The following ST6GALNAC3 variants were observed in gnomAD, a reference collection of about 807,000 sequenced individuals.
ST6GALNAC3 encodes ST6 N-acetylgalactosaminide alpha-2,6-sialyltransferase 3.
In ST6GALNAC3, 25 loss-of-function variants were observed where a neutral mutation model predicts 32.7. The observed-to-expected ratio is 0.76, with a 90% CI of 0.56 to 1.07. The LOEUF is 1.07. ST6GALNAC3 is among the 50% of genes least tolerant of loss of function. The probability of loss-of-function intolerance (pLI) is 0.00; values close to 1 mark genes in which losing one functional copy is unlikely to be tolerated. For missense variants in ST6GALNAC3, 355 were observed against 382.4 expected (o/e 0.93, Z 0.60); for synonymous variants, 129 against 133.1 (o/e 0.97, Z 0.21).
At chr1:76,120,977 G>A (rs1446434320) in intron 1 of ST6GALNAC3, among the ~76,000 whole-genome samples, 1 of 152,116 alleles carries the variant, frequency 6.6e-6, no homozygotes, top group Non-Finnish European at 1.5e-5. Flanking sequence ...CTTGGCAAGT[G>A]GCTTGCATTA....
At chr1:76,500,245 C>A (rs1424932512) in intron 3 of ST6GALNAC3, among the ~76,000 whole-genome samples, 1 of 152,076 alleles carries the variant, frequency 6.6e-6, no homozygotes, top group African/African-American at 2.4e-5. Flanking sequence ...ACATTTTTGA[C>A]ATTAGTCTTT....
rs142777904 is a variant in ST6GALNAC3, at chr1:76,228,193, A to G, written c.19-85612A>G. 1.3e-4 allele frequency among the ~76,000 whole-genome samples: 20 copies of G among 152,326 alleles called. No individual in the cohort carries two copies. In the East Asian group the frequency reaches 3.7e-3, roughly 28 times the overall value. ...TTACACAGAAGTTTGCCTACCACTA[A>G]AAGTGTTCTAGAACATTATAGTTCA... On this transcript the variant is annotated intron_variant, in intron 1 of 4. Transcript: ENST00000328299.
chr1:76,424,811 G>A (rs767115476), intron 3 of ST6GALNAC3, among the ~76,000 whole-genome samples: 3 of 151,882 alleles, frequency 2.0e-5, no homozygotes, highest in African/African-American at 4.8e-5. Flanking sequence ...GCAAATCAGT[G>A]TATACCTGAT....
rs11810412 is a variant in ST6GALNAC3, at chr1:76,595,322, G to A, written c.624-32130G>A. Among the ~76,000 whole-genome samples, 888 of 152,140 alleles carry A rather than the reference G, an allele frequency of 5.8e-3. 6 individuals are homozygous for A. The highest frequency in any genetic ancestry group is 0.02 in the African/African-American group (838 of 41,490). ...AACATAAGTAAACAAGCCTGTTTAC[G>A]CTAAATTCCCCTACACTTCCTTGTA... On this transcript the variant is annotated intron_variant, in intron 3 of 4. Coordinates refer to ENST00000328299, the MANE Select transcript of ST6GALNAC3 (RefSeq NM_152996.4).
chr1:76,504,857 T>C (rs1292073934), intron 3 of ST6GALNAC3, among the ~76,000 whole-genome samples: 1 of 152,190 alleles, frequency 6.6e-6, no homozygotes, highest in Non-Finnish European at 1.5e-5. Context: ...AGCATATTAA[T>C]AGGATCACAT....
At chr1:76,543,517 T>C (rs1005001823) in intron 3 of ST6GALNAC3, among the ~76,000 whole-genome samples, 44 of 152,238 alleles carry the variant, frequency 2.9e-4, no homozygotes, top group African/African-American at 1.0e-3. Flanking sequence ...AGATAAATTA[T>C]TCCAAAATGC....
chr1:76,167,277 CTGTTTATATGA>C (rs1652185346), intron 1 of ST6GALNAC3, among the ~76,000 whole-genome samples: 1 of 152,128 alleles, frequency 6.6e-6, no homozygotes, highest in Non-Finnish European at 1.5e-5. Context: ...GTCTTTAGTT[CTGTTTATATGA>C]TGGCTCACAT....
At chr1:76,581,161 G>T (rs1390803393) in intron 3 of ST6GALNAC3, among the ~76,000 whole-genome samples, 2 of 151,974 alleles carry the variant, frequency 1.3e-5, no homozygotes, top group South Asian at 2.1e-4. Flanking sequence ...TTACCTCACG[G>T]CCTCAAAGGA....
In ST6GALNAC3 at chr1:76,630,741, C is replaced by A; in HGVS notation, c.*1935C>A. On this transcript the variant is annotated 3_prime_UTR_variant, in exon 5 of 5. Transcript: ENST00000328299. Reference sequence around the variant, plus strand: ...CACACCCATAAACATTACTAAGCCCCAGTTCTATCGTTGGAAGGAGTTGTT... The same window carrying A: ...CACACCCATAAACATTACTAAGCCCAAGTTCTATCGTTGGAAGGAGTTGTT... The A allele has an allele frequency of 1.0e-6, 1 of 985,640 alleles. No individual in the cohort carries two copies. Among genetic ancestry groups the A allele is most frequent in the African/African-American group, 1.7e-5 (1 of 57,312 alleles). 61.1% of individuals were successfully genotyped at this position (985,640 alleles called of 1,614,324 possible).
intron 2 of ST6GALNAC3, among the ~76,000 whole-genome samples, chr1:76,356,861 G>A (rs1649496715): frequency 6.6e-6 from 1 of 152,118 alleles, no homozygotes; most frequent in African/African-American, 2.4e-5. Flanking sequence ...TCCCAGGTCA[G>A]CACTTTCAGC....
chr1:76,593,786 C>G (rs1647086280), intron 3 of ST6GALNAC3, among the ~76,000 whole-genome samples: 1 of 152,128 alleles, frequency 6.6e-6, no homozygotes, highest in African/African-American at 2.4e-5. Flanking sequence ...TTTCAAAGCA[C>G]TCACACTGGC....
At chr1:76,202,903 A>G (rs1237334164) in intron 1 of ST6GALNAC3, among the ~76,000 whole-genome samples, 2 of 152,214 alleles carry the variant, frequency 1.3e-5, no homozygotes, top group Non-Finnish European at 2.9e-5. Context: ...TCAACTATTG[A>G]GGAAGAACAC....
chr1:76,557,817 A>G (rs1416757761), intron 3 of ST6GALNAC3, among the ~76,000 whole-genome samples: 1 of 152,134 alleles, frequency 6.6e-6, no homozygotes, highest in Non-Finnish European at 1.5e-5. Flanking sequence ...ATTAGACTTT[A>G]TACATATATT....
chr1:76,548,558 T>G (rs953472171), intron 3 of ST6GALNAC3, among the ~76,000 whole-genome samples: 1 of 152,194 alleles, frequency 6.6e-6, no homozygotes, highest in African/African-American at 2.4e-5. Context: ...AAAGTCTTTC[T>G]TACGTGAGGC....
At chr1:76,128,183 CTTGTT>C (rs1006536812) in intron 1 of ST6GALNAC3, among the ~76,000 whole-genome samples, 35 of 152,238 alleles carry the variant, frequency 2.3e-4, no homozygotes, top group African/African-American at 8.2e-4. Context: ...ATACAAGGTG[CTTGTT>C]GGAACAATGC....
chr1:76,513,560 G>A (rs1662000887), intron 3 of ST6GALNAC3, among the ~76,000 whole-genome samples: 1 of 152,090 alleles, frequency 6.6e-6, no homozygotes, highest in Non-Finnish European at 1.5e-5. Flanking sequence ...AAGTCAGGTA[G>A]TGTGATGCCT....
chr1:76,078,967 A>T (rs892138707), intron 1 of ST6GALNAC3, among the ~76,000 whole-genome samples: 2 of 152,118 alleles, frequency 1.3e-5, no homozygotes, highest in African/African-American at 4.8e-5. Flanking sequence ...TTTTTAGTAG[A>T]GACGGGGTTT....
chr1:76,322,576 T>C (rs1646988007), intron 2 of ST6GALNAC3, among the ~76,000 whole-genome samples: 1 of 152,246 alleles, frequency 6.6e-6, no homozygotes, highest in South Asian at 2.1e-4. Flanking sequence ...TAAACACTTA[T>C]ATTTAATGTC....
chr1:76,134,225 GTA>G (rs1649794927), intron 1 of ST6GALNAC3, among the ~76,000 whole-genome samples: 1 of 152,182 alleles, frequency 6.6e-6, no homozygotes, highest in African/African-American at 2.4e-5. Flanking sequence ...ATTATACACT[GTA>G]TGTTTATTTC....
Sources: gnomAD v4.1 joint callset for allele counts (sites outside exome capture counted in the v4.1 genomes callset) on GRCh38, gnomAD v4.1.1 for gene constraint, MANE v1.5 for transcripts, NCBI Gene and HGNC (gene_info 2026-07-23, HGNC 2026-07-21) for gene names.